The following PTCH2 variants were observed in gnomAD, a reference collection of about 807,000 sequenced individuals.
The protein encoded by PTCH2 is protein patched homolog 2.
A neutral mutation model predicts 117.9 loss-of-function variants in PTCH2; 96 were observed. The observed-to-expected ratio is 0.81, with a 90% confidence interval of 0.69 to 0.96. The LOEUF is 0.96. Ranked by LOEUF, PTCH2 falls within the 50% of genes least tolerant of loss-of-function variation. The pLI is 0.00. For synonymous variants in PTCH2, 615 were observed against 660.9 expected (o/e 0.93, Z 1.06); for missense variants, 1,379 against 1,562.5 (o/e 0.88, Z 1.98).
At position 44,826,587 on chromosome 1, in the gene PTCH2, G is replaced by A. The variant is rs567163200; in HGVS notation, c.2877C>T (p.Gly959=). 34 of 1,612,476 alleles carry A rather than the reference G, an allele frequency of 2.1e-5. No homozygotes were observed. In the South Asian group the frequency reaches 2.7e-4, roughly 13 times the overall value. ...CGGCCAGCAGGAAGCAGCGCCGCAG[G>A]CCCAGATACTGTTCCCAGAAGAGGA... The part of the protein sequence containing the change: ...SPFLFWEQYL[G]LRRCFLLAVC... Residue 959 remains glycine, a synonymous_variant, in exon 18 of 22, where the codon GGC becomes GGT. Transcript: ENST00000372192. The surrounding 1 kb of genome is among the most constrained non-coding windows in gnomAD (Gnocchi z 5.1).
At chr1:44,827,794 TTC>T in intron 14 of PTCH2, 47 bp downstream of exon 14, 1 of 1,612,300 alleles carries the variant, frequency 6.2e-7, no homozygotes, top group Non-Finnish European at 8.5e-7. Flanking sequence ...CTCTCTGCCC[TTC>T]TGGGCCCAGA....
intron 2 of PTCH2, among the ~76,000 whole-genome samples, chr1:44,835,843 G>A (rs554228060): frequency 1.3e-5 from 2 of 152,220 alleles, no homozygotes. Flanking sequence ...CAAAGACTCC[G>A]TGTTTCGGTA....
chr1:44,829,938 C>T lies in PTCH2; in HGVS notation c.906G>A (p.Met302Ile). 6.2e-7 allele frequency: 1 copy of T among 1,614,132 alleles called. No individual in the cohort carries two copies. Among genetic ancestry groups the T allele is most frequent in the Non-Finnish European group, 8.5e-7 (1 of 1,180,004 alleles). ...HWQEELLLGG[M>I]ARDPQGELLR... ...GCAGCTCTCCTTGGGGGTCTCTGGCCATGCCTCCCAGCAGCAATTCCTCCT... is the reference window on the plus strand; with the variant it reads ...GCAGCTCTCCTTGGGGGTCTCTGGCTATGCCTCCCAGCAGCAATTCCTCCT... Residue 302 changes from methionine to isoleucine, a missense_variant, in exon 7 of 22, where the codon ATG (methionine) becomes ATA (isoleucine). By Grantham distance (10) the Met-to-Ile change is conservative (BLOSUM62 1). Transcript: ENST00000372192.
chr1:44,823,387 TA>T lies in PTCH2; in HGVS notation c.3115-3del, dbSNP rs1313942244. 6.2e-7 allele frequency: 1 copy of T among 1,614,136 alleles called. No homozygotes were observed. The highest frequency in any genetic ancestry group is 1.1e-5 in the South Asian group (1 of 91,080). ...GCTGCCCTGGGTGGTCAGGAAGCCC[TA>T]GGAAAACAGAGTGGTCCTGGAGCTG... On this transcript the variant is annotated splice_polypyrimidine_tract_variant and splice_region_variant and intron_variant, in intron 19 of 21. Coordinates refer to ENST00000372192, the MANE Select transcript of PTCH2 (RefSeq NM_003738.5). This position sits in a 1 kb window ranked among gnomAD's most constrained non-coding sequence, Gnocchi z 5.1.
At chr1:44,840,777 C>T (rs1653913671) in intron 2 of PTCH2, among the ~76,000 whole-genome samples, 1 of 152,026 alleles carries the variant, frequency 6.6e-6, no homozygotes, top group African/African-American at 2.4e-5. Context: ...GCCTGTAGTC[C>T]CAGCTACTTA....
chr1:44,821,630 G>A (rs983692892), downstream of PTCH2: 3 of 383,248 alleles, frequency 7.8e-6, no homozygotes, highest in Non-Finnish European at 1.1e-5. Context: ...CTGGAGAGAC[G>A]GGCAGGCTGG....
Position 44,829,211 on chromosome 1 carries a change from T to C in PTCH2, c.1317A>G (p.Ser439=), listed in dbSNP as rs2148877190. The C allele has an allele frequency of 3.7e-6, 6 of 1,613,524 alleles. No individual in the cohort carries two copies. Among genetic ancestry groups the C allele is most frequent in the Non-Finnish European group, 5.1e-6 (6 of 1,180,020 alleles). ...GVLLVALAVA[S]GLGLCALLGI... is the part of the protein sequence containing the mutation. ...CGAGCAGGGCACAGAGCCCAAGGCCTGAGGCCACCGCCAGGGCCACCAGCA... is the reference window on the plus strand; with the variant it reads ...CGAGCAGGGCACAGAGCCCAAGGCCCGAGGCCACCGCCAGGGCCACCAGCA... Residue 439 remains serine, a synonymous_variant, in exon 10 of 22, where the codon TCA becomes TCG. Coordinates refer to ENST00000372192, the MANE Select transcript of PTCH2 (RefSeq NM_003738.5).
chr1:44,833,722 G>A (rs1259543867), intron 2 of PTCH2, among the ~76,000 whole-genome samples: 2 of 151,946 alleles, frequency 1.3e-5, no homozygotes, highest in Non-Finnish European at 2.9e-5. Context: ...TCAGCCTTCC[G>A]AGTAGCTGGG....
rs568687832 is a variant in PTCH2 at position 44,837,769 on chromosome 1, T to C, written c.265+4078A>G. On this transcript the variant is annotated intron_variant, in intron 2 of 21. Transcript: ENST00000372192. Reference sequence around the variant, plus strand: ...TAGAACAAGGCCTCAACTAGAGCAGTGACCACAAGGTAGAAAGGATGGGTT... The same window carrying C: ...TAGAACAAGGCCTCAACTAGAGCAGCGACCACAAGGTAGAAAGGATGGGTT... Among the ~76,000 whole-genome samples the C allele has an allele frequency of 2.0e-5, 3 of 152,054 alleles. No individual in the cohort carries two copies. In the East Asian group the frequency reaches 5.8e-4, roughly 29 times the overall value.
Position 44,826,415 on chromosome 1 carries a change from T to C in PTCH2, c.2977-28A>G, listed in dbSNP as rs951469209. ...GAGGGAGACAGGGCTCACAGAGGGC[T>C]CCTGGCAGGAGGGATGACAGGCTGG... On this transcript the variant is annotated intron_variant, in intron 18 of 21. Coordinates refer to ENST00000372192, the MANE Select transcript of PTCH2 (RefSeq NM_003738.5). The surrounding 1 kb of genome is among the most constrained non-coding windows in gnomAD (Gnocchi z 5.1). 2 of 1,613,956 alleles carry C rather than the reference T, an allele frequency of 1.2e-6. No individual in the cohort carries two copies. The highest frequency in any genetic ancestry group is 2.7e-5 in the African/African-American group (2 of 75,020).
At chr1:44,840,234 C>T (rs1346229953) in intron 2 of PTCH2, among the ~76,000 whole-genome samples, 1 of 151,542 alleles carries the variant, frequency 6.6e-6, no homozygotes, top group African/African-American at 2.4e-5. Flanking sequence ...TCCCAAGTAG[C>T]TGGGACTACA....
chr1:44,824,371 T>TC (rs1265943257), intron 19 of PTCH2, among the ~76,000 whole-genome samples: 2 of 152,044 alleles, frequency 1.3e-5, no homozygotes, highest in African/African-American at 4.8e-5. Flanking sequence ...GGTCTGTGGG[T>TC]CCCCCCTTTC....
rs1281118196 is a variant in PTCH2, at chr1:44,841,912, C to G, written c.200G>C (p.Gly67Ala). ...KVLFLGLLAF[G>A]ALALGLRMAI... is the part of the protein sequence containing the mutation. ...CATGCGGAGACCTAATGCCAGGGCC[C>G]CAAAGGCCAACAGTCCCAGAAAGAG... Residue 67 changes from glycine (G) to alanine (A), a missense_variant, in exon 2 of 22, where the codon GGG (glycine) becomes GCG (alanine). By Grantham distance (60) the Gly-to-Ala change is moderately conservative. Transcript: ENST00000372192. 2.5e-6 allele frequency: 4 copies of G among 1,614,204 alleles called. No individual in the cohort carries two copies. The highest frequency in any genetic ancestry group is 3.4e-6 in the Non-Finnish European group (4 of 1,180,042).
chr1:44,842,067 GGCATCACTGCAACAAT>G, intron 1 of PTCH2, 28 bp from the exon 2 acceptor site: 2 of 1,570,540 alleles, frequency 1.3e-6, no homozygotes, highest in Non-Finnish European at 1.8e-6. Context: ...GGGTCAGCCA[GGCATCACTGCAACAAT>G]GCATGAAATC....
Position 44,839,361 on chromosome 1 carries a change from C to CAAAA in PTCH2, c.265+2482_265+2485dup, listed in dbSNP as rs57053705. On this transcript the variant is annotated intron_variant, in intron 2 of 21. Transcript: ENST00000372192. ...TGGGCAACAGAGCAAGACTTACTCT[C>CAAAA]AAAAAAAAAAAAAAAAAAAAAACAG... 8.7e-3 allele frequency among the ~76,000 whole-genome samples: 660 copies of CAAAA among 75,526 alleles called. 33 individuals are homozygous for CAAAA. The highest frequency in any genetic ancestry group is 0.027 in the African/African-American group (532 of 19,480). The allele number at this position is 75,526 out of a possible 152,430, so 49.5% of individuals were successfully genotyped here.
rs1378868892 is a variant in PTCH2 at position 44,827,578 on chromosome 1, C to G, written c.2195G>C (p.Arg732Thr). ...KEHAFLSAQL[R>T]YFSLYEVALV... ...GGCCACCTCGTACAGGGAGAAGTAC[C>G]TGAGCTGGGCGCTCAGGAAGGCATG... Residue 732 changes from arginine to threonine, a missense_variant, in exon 15 of 22, where the codon AGG becomes ACG. By Grantham distance (71) the Arg-to-Thr change is moderately conservative. Transcript: ENST00000372192. 1 of 1,614,006 alleles carries G rather than the reference C, an allele frequency of 6.2e-7. No homozygotes were observed. Among genetic ancestry groups the G allele is most frequent in the African/African-American group, 1.3e-5 (1 of 74,930 alleles).
chr1:44,832,285 C>T lies in PTCH2; in HGVS notation c.322G>A (p.Ala108Thr), dbSNP rs1176503555. ...HYTKEKLGEE[A>T]AYTSQMLIQT... ...ATCAGCATCTGAGAGGTGTATGCAGCCTCCTCCCCCAGCTTCTCCTTGGTG... is the reference window on the plus strand; with the variant it reads ...ATCAGCATCTGAGAGGTGTATGCAGTCTCCTCCCCCAGCTTCTCCTTGGTG... Residue 108 changes from alanine to threonine, a missense_variant, in exon 3 of 22, where the codon GCT becomes ACT. Ala to Thr is a moderately conservative substitution (Grantham distance 58). Transcript: ENST00000372192. 2 of 1,614,072 alleles carry T rather than the reference C, an allele frequency of 1.2e-6. No individual in the cohort carries two copies. The highest frequency in any genetic ancestry group is 2.7e-5 in the African/African-American group (2 of 74,914).
downstream of PTCH2, chr1:44,820,169 G>C: frequency 5.7e-6 from 2 of 350,086 alleles, no homozygotes; most frequent in Middle Eastern, 1.0e-3. Context: ...GGGAGTGCAA[G>C]CATCTTGAGG....
rs753202326 is a variant in PTCH2, at chr1:44,826,597, T to G, written c.2867A>C (p.Gln956Pro). ...PSGSPFLFWE[Q>P]YLGLRRCFLL... The stretch of plus-strand genomic sequence containing the variant: ...GAAGCAGCGCCGCAGGCCCAGATAC[T>G]GTTCCCAGAAGAGGAAGGGGGAGCC... Residue 956 changes from glutamine to proline, a missense_variant, in exon 18 of 22, where the codon CAG becomes CCG. Gln to Pro is a moderately conservative substitution (Grantham distance 76, BLOSUM62 -1). Transcript: ENST00000372192. This position sits in a 1 kb window ranked among gnomAD's most constrained non-coding sequence, Gnocchi z 5.1. The G allele has an allele frequency of 6.2e-7, 1 of 1,613,340 alleles. No homozygotes were observed. The highest frequency in any genetic ancestry group is 8.5e-7 in the Non-Finnish European group (1 of 1,180,004).
Sources: allele counts gnomAD v4.1 joint callset (sites outside exome capture counted in the v4.1 genomes callset), GRCh38; gene constraint gnomAD v4.1.1; non-coding constraint Gnocchi (gnomAD v3.1); transcripts MANE v1.5; gene names NCBI Gene and HGNC (gene_info 2026-07-23, HGNC 2026-07-21).